The following JAK1 variants were observed in gnomAD, a reference collection of about 807,000 sequenced individuals.
The protein encoded by JAK1 is tyrosine-protein kinase JAK1.
A neutral mutation model predicts 136.6 loss-of-function variants in JAK1; 16 were observed. The ratio of observed to expected loss-of-function variants is 0.12; its 90% CI spans 0.08 to 0.18. The LOEUF (loss-of-function observed/expected upper bound fraction) is 0.18. Among genes scored for constraint, JAK1 ranks in the 10% least tolerant of loss-of-function variants. The probability of loss-of-function intolerance (pLI) is 1.00; values close to 1 mark genes in which losing one functional copy is unlikely to be tolerated. For missense variants in JAK1, 859 were observed against 1,450.1 expected (o/e 0.59, Z 6.62); for synonymous variants, 492 against 519.5 (o/e 0.95, Z 0.72).
At chr1:64,920,452 G>A (rs1005752986) in intron 1 of JAK1, among the ~76,000 whole-genome samples, 4 of 152,134 alleles carry the variant, frequency 2.6e-5, no homozygotes, top group African/African-American at 7.2e-5. Flanking sequence ...AGAACTACAC[G>A]AGAATTGCTT....
At chr1:64,957,175 A>G (rs1323081045) in intron 1 of JAK1, among the ~76,000 whole-genome samples, 1 of 152,094 alleles carries the variant, frequency 6.6e-6, no homozygotes, top group Non-Finnish European at 1.5e-5. Flanking sequence ...TTGGCAGCAG[A>G]ATGAAGGGAA....
At chr1:64,998,665 G>A (rs1202389578) in intron 2 of JAK1, among the ~76,000 whole-genome samples, 2 of 152,180 alleles carry the variant, frequency 1.3e-5, no homozygotes, top group Non-Finnish European at 2.9e-5. Context: ...ATTAAATCAT[G>A]GGGGCGGGTC....
At chr1:64,873,248 T>A in intron 5 of JAK1, 122 bp downstream of exon 5, 1 of 1,131,810 alleles carries the variant, frequency 8.8e-7, no homozygotes, top group Non-Finnish European at 1.3e-6. Flanking sequence ...GGCAAGAACT[T>A]ACCCAGAACA....
intron 1 of JAK1, among the ~76,000 whole-genome samples, chr1:64,900,832 C>G (rs891182793): frequency 2.0e-5 from 3 of 152,194 alleles, no homozygotes; most frequent in African/African-American, 7.2e-5. Flanking sequence ...GGCTCATCCC[C>G]ATTTGTGCCC....
At chr1:65,059,144 G>GAAAA (rs34865486) in intron 1 of JAK1, among the ~76,000 whole-genome samples, 1 of 137,666 alleles carries the variant, frequency 7.3e-6, no homozygotes, top group African/African-American at 2.7e-5. Context: ...TTTATAGGCA[G>GAAAA]AAAAAAAAAA....
chr1:64,964,270 G>A (rs1646334843), intron 1 of JAK1, among the ~76,000 whole-genome samples: 1 of 152,174 alleles, frequency 6.6e-6, no homozygotes, highest in Non-Finnish European at 1.5e-5. Context: ...AGGACATAAG[G>A]ACATACAAAA....
chr1:65,039,222 AC>A (rs1171214968), intron 2 of JAK1, among the ~76,000 whole-genome samples: 1 of 152,174 alleles, frequency 6.6e-6, no homozygotes, highest in Non-Finnish European at 1.5e-5. Context: ...GCCAACCTAG[AC>A]ATCCTTTTGA....
chr1:64,926,967 G>A (rs1338502003), intron 1 of JAK1, among the ~76,000 whole-genome samples: 2 of 152,228 alleles, frequency 1.3e-5, no homozygotes, highest in Non-Finnish European at 2.9e-5. Flanking sequence ...ACAAGTGCTT[G>A]CTACTGTTAT....
intron 1 of JAK1, among the ~76,000 whole-genome samples, chr1:64,919,250 A>G (rs1334553153): frequency 4.6e-5 from 7 of 152,088 alleles, no homozygotes; most frequent in Non-Finnish European, 8.8e-5. Flanking sequence ...CCCACCTATG[A>G]GTCAGAACAT....
At chr1:64,901,872 T>C (rs72675467) in intron 1 of JAK1, among the ~76,000 whole-genome samples, 7,569 of 152,248 alleles carry the variant, frequency 0.05, 314 homozygotes, top group Admixed American at 0.14. Context: ...TTGAATCATA[T>C]AATGTGTGTG....
In JAK1 at chr1:64,852,524, C is replaced by G. The variant is rs530885029; in HGVS notation, c.1649-1614G>C. On this transcript the variant is annotated intron_variant, in intron 11 of 24. Transcript: ENST00000342505. ...CGATTCAGAGGCAACTCAGGCTCAA[C>G]TCAACTCAGGAGAAAAGGCATCAAG... Among the ~76,000 whole-genome samples the G allele has an allele frequency of 7.2e-5, 11 of 152,312 alleles. No homozygotes were observed. In the South Asian group the frequency reaches 2.3e-3, roughly 32 times the overall value.
intron 1 of JAK1, among the ~76,000 whole-genome samples, chr1:64,925,234 TA>T (rs35866783): frequency 0.87 from 124,699 of 143,796 alleles, 54,303 homozygotes; most frequent in East Asian, 0.99. Context: ...CCATCTCTAC[TA>T]AAAAAAAAAA....
intron 1 of JAK1, among the ~76,000 whole-genome samples, chr1:64,911,936 A>G (rs1294948917): frequency 6.6e-6 from 1 of 152,232 alleles, no homozygotes; most frequent in Admixed American, 6.5e-5. Flanking sequence ...CAAAACTCTC[A>G]TAAAATTTAA....
chr1:64,927,443 G>C (rs750655291), intron 1 of JAK1, among the ~76,000 whole-genome samples: 1 of 152,142 alleles, frequency 6.6e-6, no homozygotes, highest in Non-Finnish European at 1.5e-5. Flanking sequence ...GCAAATGAAC[G>C]AATAAATGAG....
intron 1 of JAK1, among the ~76,000 whole-genome samples, chr1:65,063,804 C>CAAAAAAAAAAAAAAAA (rs370192253): frequency 4.9e-5 from 4 of 81,362 alleles, no homozygotes; most frequent in Non-Finnish European, 8.0e-5. Context: ...GACTCTATCT[C>CAAAAAAAAAAAAAAAA]AAAAAAAAAA....
intron 1 of JAK1, among the ~76,000 whole-genome samples, chr1:64,928,781 A>AAAAAAAAAC (rs1645628638): frequency 2.0e-5 from 2 of 100,414 alleles, no homozygotes; most frequent in African/African-American, 4.5e-5. Context: ...AACTCTGCAA[A>AAAAAAAAAC]AAAAAAAAAA....
chr1:65,006,367 T>C (rs1646803986), intron 2 of JAK1, among the ~76,000 whole-genome samples: 1 of 152,224 alleles, frequency 6.6e-6, no homozygotes, highest in Non-Finnish European at 1.5e-5. Flanking sequence ...TCTTCTTTTT[T>C]ATTTTTTAAA....
At chr1:64,997,935 A>G (rs1646718869) in intron 2 of JAK1, among the ~76,000 whole-genome samples, 3 of 152,264 alleles carry the variant, frequency 2.0e-5, no homozygotes, top group Admixed American at 2.0e-4. Flanking sequence ...CTTTTGTTTC[A>G]AGAAATAAAA....
rs367686039 is a variant in JAK1, at chr1:64,839,018, C to T, written c.2843-429G>A. Reference sequence around the variant, plus strand: ...AAAATTAGCCGGGCGTGATGGCGGGCGCCTGTAGTCCCAGCTACTCGGGAG... The same window carrying T: ...AAAATTAGCCGGGCGTGATGGCGGGTGCCTGTAGTCCCAGCTACTCGGGAG... On this transcript the variant is annotated intron_variant, in intron 20 of 24. Coordinates refer to ENST00000342505, the MANE Select transcript of JAK1 (RefSeq NM_002227.4). Among the ~76,000 whole-genome samples the T allele has an allele frequency of 8.3e-3, 1,239 of 149,954 alleles. 12 individuals carry two copies. Among genetic ancestry groups the T allele is most frequent in the African/African-American group, 0.029 (1,178 of 40,410 alleles).
Sources: allele counts gnomAD v4.1 joint callset (sites outside exome capture counted in the v4.1 genomes callset), GRCh38; gene constraint gnomAD v4.1.1; transcripts MANE v1.5; gene names NCBI Gene and HGNC (gene_info 2026-07-23, HGNC 2026-07-21).